The following CACHD1 variants were observed in gnomAD, a reference collection of about 807,000 sequenced individuals.
The protein encoded by CACHD1 is cache domain containing 1, also known as VWFA and cache domain-containing protein 1.
In CACHD1, 71 loss-of-function variants were observed where a neutral mutation model predicts 138.7. The observed-to-expected ratio is 0.51, with a 90% CI of 0.42 to 0.62. CACHD1 has a LOEUF of 0.62. Ranked by LOEUF, CACHD1 falls within the 20% of genes least tolerant of loss-of-function variation. The pLI is 0.00. For missense variants in CACHD1, 1,389 were observed against 1,625.3 expected, an observed-to-expected ratio of 0.85 and a Z score of 2.50; for synonymous variants, 578 against 591.5, an observed-to-expected ratio of 0.98 and a Z score of 0.33.
At chr1:64,474,160 C>T (rs1393769932) in intron 1 of CACHD1, among the ~76,000 whole-genome samples, 3 of 152,124 alleles carry the variant, frequency 2.0e-5, no homozygotes, top group Non-Finnish European at 2.9e-5. Context: ...ATACTGTTCC[C>T]CTGACAGCAG....
At chr1:64,634,995 CA>C (rs71056059) in intron 7 of CACHD1, among the ~76,000 whole-genome samples, 19 of 63,866 alleles carry the variant, frequency 3.0e-4, no homozygotes, top group East Asian at 5.5e-4. Context: ...GACTCTGTCT[CA>C]AAAAAAAAAA....
chr1:64,545,834 A>C (rs1012182435), intron 1 of CACHD1, among the ~76,000 whole-genome samples: 10 of 152,200 alleles, frequency 6.6e-5, no homozygotes, highest in African/African-American at 2.4e-4. Flanking sequence ...TTTGTCTCTA[A>C]ATCAGAGTGC....
At chr1:64,540,457 T>G (rs1367227114) in intron 1 of CACHD1, among the ~76,000 whole-genome samples, 1 of 152,170 alleles carries the variant, frequency 6.6e-6, no homozygotes. Flanking sequence ...TTACTTTTAG[T>G]CAAGTTATAT....
chr1:64,564,807 A>AT (rs1440839525), intron 2 of CACHD1, among the ~76,000 whole-genome samples: 2 of 152,116 alleles, frequency 1.3e-5, no homozygotes, highest in Non-Finnish European at 2.9e-5. Flanking sequence ...ACTGGACATT[A>AT]TATTAGCTTT....
At chr1:64,575,975 G>A in intron 2 of CACHD1, among the ~76,000 whole-genome samples, 1 of 152,334 alleles carries the variant, frequency 6.6e-6, no homozygotes, top group South Asian at 2.1e-4. Flanking sequence ...ATTCATTGAT[G>A]TTGTGATGAA....
At chr1:64,664,402 T>C in intron 14 of CACHD1, 96 bp from the exon 15 acceptor site, 1 of 1,215,650 alleles carries the variant, frequency 8.2e-7, no homozygotes, top group Admixed American at 2.2e-5. Context: ...TCGGCTTGGC[T>C]TCTCTGCAAC....
In CACHD1 at chr1:64,691,403, G is replaced by A; in HGVS notation, c.3667G>A (p.Gly1223Arg). ...NDPLSAGVDV[G>R]NHDEDLDLDT... The stretch of plus-strand genomic sequence containing the variant: ...CCCCTTGTCAGCCGGGGTCGATGTG[G>A]GAAACCATGATGAGGACTTAGACCT... Residue 1223 changes from glycine (G) to arginine (R), a missense_variant, in exon 27 of 27, where the codon GGA becomes AGA. This residue lies in a region of CACHD1 where 78 missense variants were observed against 76.9 expected (regional missense o/e 1.01). Transcript: ENST00000651257. The A allele has an allele frequency of 6.2e-7, 1 of 1,614,088 alleles. No individual in the cohort carries two copies. The highest frequency in any genetic ancestry group is 8.5e-7 in the Non-Finnish European group (1 of 1,180,016).
chr1:64,508,834 A>G (rs1646397111), intron 1 of CACHD1, among the ~76,000 whole-genome samples: 1 of 152,196 alleles, frequency 6.6e-6, no homozygotes, highest in Non-Finnish European at 1.5e-5. Context: ...CAACTTCTGC[A>G]GTCTGGATAA....
intron 26 of CACHD1, among the ~76,000 whole-genome samples, chr1:64,686,400 C>G (rs1331011336): frequency 2.0e-5 from 3 of 152,132 alleles, no homozygotes; most frequent in South Asian, 2.1e-4. Context: ...ATGTGGCCAA[C>G]AGAATTTCGT....
At chr1:64,486,609 A>G (rs77007177) in intron 1 of CACHD1, among the ~76,000 whole-genome samples, 2,270 of 152,304 alleles carry the variant, frequency 0.015, 68 homozygotes, top group African/African-American at 0.052. Context: ...GAGAGCTGTG[A>G]GTTTTGCAGT....
At chr1:64,540,920 G>A (rs1017749925) in intron 1 of CACHD1, among the ~76,000 whole-genome samples, 6 of 152,134 alleles carry the variant, frequency 3.9e-5, no homozygotes, top group African/African-American at 7.2e-5. Context: ...AAATGCCACC[G>A]GACTAAGGAA....
Position 64,645,358 on chromosome 1 carries a change from CAT to C in CACHD1, c.1157-2441_1157-2440del, listed in dbSNP as rs1362706661. Among the ~76,000 whole-genome samples the C allele has an allele frequency of 4.6e-5, 7 of 152,056 alleles. No individual in the cohort carries two copies. The East Asian group carries it at 1.4e-3, about 29-fold the overall frequency. On this transcript the variant is annotated intron_variant, in intron 8 of 26. Transcript: ENST00000651257. Reference sequence around the variant, plus strand: ...GATGTTTCTAATAGTACAAAGAAATCATAAATGATTGGGGTGATTCATACCTC... The same window carrying C: ...GATGTTTCTAATAGTACAAAGAAATCAAATGATTGGGGTGATTCATACCTC...
intron 2 of CACHD1, among the ~76,000 whole-genome samples, chr1:64,567,273 T>C (rs1646890255): frequency 6.6e-6 from 1 of 152,024 alleles, no homozygotes; most frequent in Admixed American, 6.6e-5. Context: ...CATTTGATAT[T>C]TCTTGCTAAT....
At chr1:64,535,370 G>A (rs944135868) in intron 1 of CACHD1, among the ~76,000 whole-genome samples, 2 of 149,378 alleles carry the variant, frequency 1.3e-5, no homozygotes, top group African/African-American at 5.0e-5. Flanking sequence ...TTGTTGCCCG[G>A]GCTGGAGTGC....
At chr1:64,662,187 C>G (rs896695427) in intron 13 of CACHD1, among the ~76,000 whole-genome samples, 1 of 152,174 alleles carries the variant, frequency 6.6e-6, no homozygotes. Context: ...ATTTTTTACT[C>G]CCAGCCCCAC....
chr1:64,504,841 C>T (rs745605290), intron 1 of CACHD1, among the ~76,000 whole-genome samples: 1 of 152,078 alleles, frequency 6.6e-6, no homozygotes, highest in Non-Finnish European at 1.5e-5. Flanking sequence ...GCTATCTATG[C>T]CTATCTGATT....
At chr1:64,623,030 G>A (rs1647971483) in intron 4 of CACHD1, among the ~76,000 whole-genome samples, 1 of 152,158 alleles carries the variant, frequency 6.6e-6, no homozygotes, top group Non-Finnish European at 1.5e-5. Context: ...TCGGAGAAGG[G>A]AGTGTCTAGG....
At chr1:64,608,518 A>C (rs1366259535) in intron 4 of CACHD1, among the ~76,000 whole-genome samples, 1 of 152,212 alleles carries the variant, frequency 6.6e-6, no homozygotes, top group Non-Finnish European at 1.5e-5. Context: ...AAGCAGACTC[A>C]CATAAATTAT....
intron 1 of CACHD1, among the ~76,000 whole-genome samples, chr1:64,513,641 G>T (rs1368153912): frequency 2.0e-5 from 3 of 152,194 alleles, no homozygotes; most frequent in Admixed American, 6.5e-5. Flanking sequence ...CCATGAAAAG[G>T]ACTCAAAGGA....
Sources: gnomAD v4.1 joint callset for allele counts (sites outside exome capture counted in the v4.1 genomes callset) on GRCh38, gnomAD v4.1.1 for gene constraint, gnomAD v4.1.1 regional missense constraint, MANE v1.5 for transcripts, NCBI Gene and HGNC (gene_info 2026-07-23, HGNC 2026-07-21) for gene names.